Variants in EYA2 observed in about 807,000 individuals in gnomAD.
The protein encoded by EYA2 is protein phosphatase EYA2.
EYA2 carries 31 observed loss-of-function variants against 69.2 expected under a neutral mutation model. The ratio of observed to expected loss-of-function variants is 0.45; its 90% CI spans 0.34 to 0.60. EYA2 has a LOEUF of 0.60. Ranked by LOEUF, EYA2 falls within the 20% of genes least tolerant of loss-of-function variation. The pLI is 0.02. For missense variants in EYA2, 622 were observed against 701.2 expected (o/e 0.89, Z 1.28); for synonymous variants, 257 against 279.4 (o/e 0.92, Z 0.80).
At chr20:47,127,668 T>G (rs1430905436) in intron 9 of EYA2, among the ~76,000 whole-genome samples, 1 of 152,214 alleles carries the variant, frequency 6.6e-6, no homozygotes, top group African/African-American at 2.4e-5. Flanking sequence ...GATGCCTCTT[T>G]GGGGCTCCCA....
At chr20:47,089,664 C>T (rs2868858) in intron 8 of EYA2, among the ~76,000 whole-genome samples, 97,712 of 151,982 alleles carry the variant, frequency 0.64, 32,178 homozygotes, top group East Asian at 0.72. Context: ...TCCAATTCAG[C>T]AGATCTGGGG....
intron 5 of EYA2, among the ~76,000 whole-genome samples, chr20:47,063,255 CT>C (rs1283335371): frequency 1.3e-5 from 2 of 152,058 alleles, no homozygotes; most frequent in Admixed American, 6.6e-5. Context: ...CACAAGCCTA[CT>C]TTTTTTTGTC....
intron 10 of EYA2, 146 bp from the exon 11 acceptor site, chr20:47,168,993 C>A: frequency 1.4e-6 from 1 of 691,112 alleles, no homozygotes; most frequent in Non-Finnish European, 2.6e-6. Flanking sequence ...CCTTGAGTAT[C>A]CAAATCCAGA....
chr20:46,894,964 G>A lies in EYA2; in HGVS notation c.-34G>A, dbSNP rs1020824121. 1.6e-4 allele frequency: 25 copies of A among 151,562 alleles called. No homozygotes were observed. Among genetic ancestry groups the A allele is most frequent in the African/African-American group, 5.6e-4 (23 of 41,440 alleles). 9.4% of individuals were successfully genotyped at this position (151,562 alleles called of 1,614,324 possible). A position where few individuals can be genotyped will look rare whatever the true frequency, so the allele number is the denominator to read the frequency against. ...CCCGCCCGCCCGCCCGCACCGCGTC[G>A]GGGCGCCCTCTCCACTGCGCGCGGT... is the stretch of plus-strand genomic sequence containing the variant. On this transcript the variant is annotated 5_prime_UTR_variant, in exon 1 of 16. Transcript: ENST00000327619.
At position 47,016,316 on chromosome 20, in the gene EYA2, C is replaced by T; in HGVS notation, c.415+19C>T. ...ATGCACGGTCAGTGTGGCGCTGTGG[C>T]CCCTTCCTGCCCATCTCTAAGGACC... On this transcript the variant is annotated intron_variant, in intron 5 of 15. Transcript: ENST00000327619. The T allele has an allele frequency of 6.3e-7, 1 of 1,581,466 alleles. No homozygotes were observed.
intron 3 of EYA2, 142 bp downstream of exon 3, chr20:47,001,615 AG>A (rs576013864): frequency 1.6e-5 from 14 of 848,690 alleles, no homozygotes; most frequent in Non-Finnish European, 2.7e-5. Context: ...AGTGAGCTTG[AG>A]CAAGTCACTC....
intron 10 of EYA2, among the ~76,000 whole-genome samples, chr20:47,146,139 G>A (rs1409152132): frequency 6.6e-6 from 1 of 152,144 alleles, no homozygotes; most frequent in Non-Finnish European, 1.5e-5. Flanking sequence ...GTCCTTCACT[G>A]AGATGGGCAA....
intron 5 of EYA2, among the ~76,000 whole-genome samples, chr20:47,020,091 C>T (rs1983657480): frequency 6.6e-6 from 1 of 151,646 alleles, no homozygotes; most frequent in African/African-American, 2.4e-5. Context: ...GCTATGATCA[C>T]CCCACTGCAC....
intron 5 of EYA2, among the ~76,000 whole-genome samples, chr20:47,062,751 T>A (rs1292986319): frequency 6.6e-6 from 1 of 152,142 alleles, no homozygotes; most frequent in East Asian, 1.9e-4. Flanking sequence ...AGCAGCCTGG[T>A]TAACGTTGAG....
chr20:46,954,817 T>C (rs966923381), intron 1 of EYA2, among the ~76,000 whole-genome samples: 3 of 151,826 alleles, frequency 2.0e-5, no homozygotes. Flanking sequence ...AGTCAGTTCT[T>C]ACTACGAGGC....
At chr20:46,913,928 G>A (rs989772547) in intron 1 of EYA2, among the ~76,000 whole-genome samples, 1 of 152,200 alleles carries the variant, frequency 6.6e-6, no homozygotes, top group African/African-American at 2.4e-5. Context: ...GGATGTGACA[G>A]AGAGTTGAGG....
intron 9 of EYA2, among the ~76,000 whole-genome samples, chr20:47,133,972 G>A (rs180701764): frequency 6.6e-6 from 1 of 152,342 alleles, no homozygotes; most frequent in East Asian, 1.9e-4. Context: ...GCATGGTGTG[G>A]CCCAAGGGCT....
chr20:47,092,210 T>TA (rs1694373619), intron 8 of EYA2, among the ~76,000 whole-genome samples: 1 of 152,178 alleles, frequency 6.6e-6, no homozygotes, highest in Non-Finnish European at 1.5e-5. Context: ...ACATCATGCT[T>TA]GGTGCCCTAC....
chr20:46,987,315 T>C (rs77793162), intron 1 of EYA2, among the ~76,000 whole-genome samples: 1,633 of 152,276 alleles, frequency 0.011, 16 homozygotes, highest in African/African-American at 0.027. Flanking sequence ...TGAAATAGTA[T>C]CCTTCTTTTG....
chr20:47,092,614 G>T (rs186942053), intron 8 of EYA2, among the ~76,000 whole-genome samples: 4 of 152,262 alleles, frequency 2.6e-5, no homozygotes, highest in East Asian at 3.9e-4. Context: ...GGGAACGGCG[G>T]GGGTAGAGAG....
Position 47,156,125 on chromosome 20 carries a change from CACATATATATATATATATATATAT to C in EYA2, c.978+12979_979-12989del, listed in dbSNP as rs1307166272. 9.6e-3 allele frequency among the ~76,000 whole-genome samples: 211 copies of C among 21,972 alleles called. 1 individual carries two copies. The highest frequency in any genetic ancestry group is 0.061 in the African/African-American group (192 of 3,148). 14.4% of individuals were successfully genotyped at this position (21,972 alleles called of 152,430 possible). A position where few individuals can be genotyped will look rare whatever the true frequency, so the allele number is the denominator to read the frequency against. On this transcript the variant is annotated intron_variant, in intron 10 of 15. Coordinates refer to ENST00000327619, the MANE Select transcript of EYA2 (RefSeq NM_005244.5). ...ACACACACACACACACACACACACACACATATATATATATATATATATATATATATATATATATATATATATATA... is the reference window on the plus strand; with the variant it reads ...ACACACACACACACACACACACACACATATATATATATATATATATATATA...
chr20:47,093,860 G>A (rs6090624), intron 8 of EYA2, among the ~76,000 whole-genome samples: 32,276 of 152,206 alleles, frequency 0.21, 3,981 homozygotes, highest in East Asian at 0.36. Flanking sequence ...GCAGGCCTGG[G>A]TATCCATCTC....
At chr20:47,162,515 T>C (rs2034089480) in intron 10 of EYA2, among the ~76,000 whole-genome samples, 2 of 128,536 alleles carry the variant, frequency 1.6e-5, no homozygotes, top group South Asian at 2.5e-4. Flanking sequence ...ACACACATTA[T>C]CCTTTTTTTT....
intron 1 of EYA2, among the ~76,000 whole-genome samples, chr20:46,911,089 A>G (rs1179061755): frequency 6.6e-6 from 1 of 152,220 alleles, no homozygotes; most frequent in Non-Finnish European, 1.5e-5. Context: ...AATCTTTCCT[A>G]TATCTAGATC....
Sources: gnomAD v4.1 joint callset for allele counts (sites outside exome capture counted in the v4.1 genomes callset) on GRCh38, gnomAD v4.1.1 for gene constraint, MANE v1.5 for transcripts, NCBI Gene and HGNC (gene_info 2026-07-23, HGNC 2026-07-21) for gene names.